The following FAM185A variants were observed in gnomAD, a reference collection of about 807,000 sequenced individuals.
FAM185A encodes the protein family with sequence similarity 185 member A.
Under a neutral mutation model 45.7 loss-of-function variants are expected in FAM185A, and 21 were observed. The observed-to-expected ratio is 0.46, with a 90% CI of 0.33 to 0.66. The LOEUF is 0.66. FAM185A is among the 30% of genes least tolerant of loss of function. FAM185A has a pLI of 0.03. For missense variants in FAM185A, 305 were observed against 485.4 expected (o/e 0.63, Z 3.49); for synonymous variants, 117 against 194.0 (o/e 0.60, Z 3.30).
At chr7:102,760,043 T>C (rs1428357666) in intron 3 of FAM185A, among the ~76,000 whole-genome samples, 1 of 152,114 alleles carries the variant, frequency 6.6e-6, no homozygotes, top group African/African-American at 2.4e-5. Context: ...TTTTAAATTG[T>C]GTTAATTTCA....
At chr7:102,833,783 A>G in the FAM185A span, among the ~76,000 whole-genome samples, 1 of 151,982 alleles carries the variant, frequency 6.6e-6, no homozygotes, top group South Asian at 2.1e-4. Context: ...AAATGCTGAA[A>G]TGTTCACCTG....
the FAM185A span, among the ~76,000 whole-genome samples, chr7:102,846,358 C>T: frequency 7.2e-5 from 11 of 152,264 alleles, no homozygotes; most frequent in Admixed American, 3.9e-4. Flanking sequence ...GTGGCTGATG[C>T]CTATAATACT....
chr7:102,808,434 C>A lies in FAM185A; in HGVS notation c.*32C>A. Reference sequence around the variant, plus strand: ...TTTGAGTTGGATTTATGATTTTTAACAATGATTCGCAGATCTGTGACTACA... The same window carrying A: ...TTTGAGTTGGATTTATGATTTTTAAAAATGATTCGCAGATCTGTGACTACA... On this transcript the variant is annotated 3_prime_UTR_variant, in exon 8 of 8. Coordinates refer to ENST00000413034, the MANE Select transcript of FAM185A (RefSeq NM_001145268.2). The A allele has an allele frequency of 8.0e-7, 1 of 1,247,050 alleles. No homozygotes were observed. The highest frequency in any genetic ancestry group is 1.1e-6 in the Non-Finnish European group (1 of 870,582). The allele number at this position is 1,247,050 out of a possible 1,614,324, so 77.2% of individuals were successfully genotyped here. A position where few individuals can be genotyped will look rare whatever the true frequency, so the allele number is the denominator to read the frequency against.
At chr7:102,838,677 C>T in the FAM185A span, among the ~76,000 whole-genome samples, 1 of 152,148 alleles carries the variant, frequency 6.6e-6, no homozygotes, top group South Asian at 2.1e-4. Context: ...TGTATGGGAT[C>T]AAGGTTTAAC....
At chr7:102,771,464 T>C (rs1189687791) in intron 4 of FAM185A, among the ~76,000 whole-genome samples, 2 of 152,198 alleles carry the variant, frequency 1.3e-5, no homozygotes, top group East Asian at 1.9e-4. Flanking sequence ...TGATGGTATA[T>C]TAGACCTTCA....
the FAM185A span, chr7:102,827,245 T>A: frequency 5.1e-5 from 21 of 415,478 alleles, no homozygotes; most frequent in African/African-American, 3.6e-4. Context: ...GAGGAAGCTG[T>A]CCCAGCTGGG....
chr7:102,791,910 CT>C (rs958807820), intron 7 of FAM185A, among the ~76,000 whole-genome samples: 1 of 151,976 alleles, frequency 6.6e-6, no homozygotes, highest in African/African-American at 2.4e-5. Flanking sequence ...GGGCAGATTG[CT>C]TTTTTCTGTG....
chr7:102,761,896 C>T (rs1794130403), intron 4 of FAM185A, among the ~76,000 whole-genome samples: 2 of 151,994 alleles, frequency 1.3e-5, no homozygotes, highest in South Asian at 4.2e-4. Flanking sequence ...ACTCCTGGGC[C>T]CAAGCGACCC....
chr7:102,837,891 A>G, the FAM185A span, among the ~76,000 whole-genome samples: 4 of 152,218 alleles, frequency 2.6e-5, no homozygotes, highest in East Asian at 7.7e-4. Flanking sequence ...TAAGTGTCTT[A>G]TCTTCTGCAT....
chr7:102,823,985 A>G, the FAM185A span, among the ~76,000 whole-genome samples: 1 of 152,256 alleles, frequency 6.6e-6, no homozygotes, highest in South Asian at 2.1e-4. Context: ...ATTGTAGAAG[A>G]AAGGAAGGAC....
chr7:102,771,527 C>A (rs1794741655), intron 4 of FAM185A, among the ~76,000 whole-genome samples: 1 of 151,926 alleles, frequency 6.6e-6, no homozygotes, highest in Non-Finnish European at 1.5e-5. Flanking sequence ...GAATCCAGTG[C>A]CTTTTTTTGG....
the FAM185A span, chr7:102,816,086 A>AAT: frequency 6.6e-6 from 1 of 152,208 alleles, no homozygotes; most frequent in African/African-American, 2.4e-5. Context: ...CTCATTCCTT[A>AAT]GTCCCTGTCC....
the FAM185A span, among the ~76,000 whole-genome samples, chr7:102,826,057 T>A: frequency 6.6e-6 from 1 of 152,340 alleles, no homozygotes; most frequent in African/African-American, 2.4e-5. Flanking sequence ...GATTTTTTTT[T>A]AGTAGGACCT....
At chr7:102,845,316 G>A in the FAM185A span, among the ~76,000 whole-genome samples, 18 of 152,174 alleles carry the variant, frequency 1.2e-4, no homozygotes, top group East Asian at 3.5e-3. Flanking sequence ...CAGGAACCAT[G>A]GTCAAAGACC....
At chr7:102,832,612 CAT>C in the FAM185A span, among the ~76,000 whole-genome samples, 9 of 152,166 alleles carry the variant, frequency 5.9e-5, no homozygotes, top group African/African-American at 1.7e-4. Flanking sequence ...ATCTTTGACA[CAT>C]GTTTATATTT....
intron 7 of FAM185A, among the ~76,000 whole-genome samples, chr7:102,790,821 A>T (rs1280166422): frequency 4.6e-5 from 7 of 151,998 alleles, no homozygotes; most frequent in African/African-American, 1.7e-4. Context: ...CCCCTAGCCT[A>T]CCTCCTCCTT....
At chr7:102,816,733 C>T in the FAM185A span, among the ~76,000 whole-genome samples, 1 of 152,146 alleles carries the variant, frequency 6.6e-6, no homozygotes, top group Non-Finnish European at 1.5e-5. Context: ...AACATAATGC[C>T]CAGTAGGTAC....
downstream of FAM185A, chr7:102,813,626 G>T: frequency 8.0e-7 from 1 of 1,251,462 alleles, no homozygotes; most frequent in Non-Finnish European, 1.1e-6. Context: ...GGAATTCACT[G>T]TCACAATCTG....
chr7:102,751,134 T>C (rs1203362569), intron 1 of FAM185A, among the ~76,000 whole-genome samples: 1 of 152,198 alleles, frequency 6.6e-6, no homozygotes, highest in Admixed American at 6.5e-5. Flanking sequence ...AGGCTGGTCT[T>C]GAACTCCTGG....
Sources: allele counts gnomAD v4.1 joint callset (sites outside exome capture counted in the v4.1 genomes callset), GRCh38; gene constraint gnomAD v4.1.1; transcripts MANE v1.5; gene names NCBI Gene and HGNC (gene_info 2026-07-23, HGNC 2026-07-21).